Variants in CASR observed in about 807,000 individuals in gnomAD.
CASR encodes extracellular calcium-sensing receptor.
CASR carries 23 observed loss-of-function variants against 69.1 expected under a neutral mutation model. The observed-to-expected ratio is 0.33, with a 90% CI of 0.24 to 0.47. The LOEUF (loss-of-function observed/expected upper bound fraction) is 0.47. Ranked by LOEUF, CASR falls within the 20% of genes least tolerant of loss-of-function variation. CASR has a pLI of 1.00. For synonymous variants in CASR, 541 were observed against 544.7 expected, an observed-to-expected ratio of 0.99 and a Z score of 0.10; for missense variants, 924 against 1,356.1, an observed-to-expected ratio of 0.68 and a Z score of 5.00.
intron 1 of CASR, among the ~76,000 whole-genome samples, chr3:122,191,370 G>T (rs770069491): frequency 1.3e-5 from 2 of 152,038 alleles, no homozygotes; most frequent in African/African-American, 4.8e-5. Flanking sequence ...GGAGTGCAAC[G>T]GTGCGATCTT....
chr3:122,209,281 C>T (rs907375616), intron 1 of CASR, among the ~76,000 whole-genome samples: 1 of 152,176 alleles, frequency 6.6e-6, no homozygotes, highest in Non-Finnish European at 1.5e-5. Context: ...GGATTTACAG[C>T]TGAATTCTAC....
chr3:122,260,328 T>A (rs1013095925), intron 3 of CASR, among the ~76,000 whole-genome samples: 2 of 152,232 alleles, frequency 1.3e-5, no homozygotes, highest in African/African-American at 4.8e-5. Flanking sequence ...CAACGATCTC[T>A]TAACATCAAG....
chr3:122,224,869 G>C (rs2074207777), intron 1 of CASR, among the ~76,000 whole-genome samples: 1 of 152,128 alleles, frequency 6.6e-6, no homozygotes. Context: ...ACAGGATAGA[G>C]AACCTAGACG....
intron 1 of CASR, among the ~76,000 whole-genome samples, chr3:122,240,625 C>G (rs1405403692): frequency 6.6e-6 from 1 of 152,168 alleles, no homozygotes; most frequent in African/African-American, 2.4e-5. Context: ...GACTGATCTT[C>G]CAGACAGAAA....
chr3:122,216,695 G>T (rs1182624131), intron 1 of CASR, among the ~76,000 whole-genome samples: 1 of 152,164 alleles, frequency 6.6e-6, no homozygotes, highest in Non-Finnish European at 1.5e-5. Context: ...ACATAAAAGT[G>T]CTCATTAAAT....
At chr3:122,218,006 A>T (rs927140730) in intron 1 of CASR, among the ~76,000 whole-genome samples, 1 of 152,002 alleles carries the variant, frequency 6.6e-6, no homozygotes, top group African/African-American at 2.4e-5. Context: ...CTCATTGCAG[A>T]CCCTGTTAAG....
chr3:122,228,333 T>C, intron 1 of CASR, among the ~76,000 whole-genome samples: 1 of 152,254 alleles, frequency 6.6e-6, no homozygotes, highest in East Asian at 1.9e-4. Context: ...ATTTAAATTA[T>C]CAGCATATAA....
intron 4 of CASR, among the ~76,000 whole-genome samples, chr3:122,264,012 T>C (rs780340955): frequency 1.6e-4 from 24 of 151,936 alleles, no homozygotes; most frequent in Non-Finnish European, 2.2e-4. Flanking sequence ...AAAAACAGGC[T>C]TCAAGGGGGA....
chr3:122,232,778 G>A (rs2074291997), intron 1 of CASR, among the ~76,000 whole-genome samples: 1 of 152,124 alleles, frequency 6.6e-6, no homozygotes, highest in Non-Finnish European at 1.5e-5. Flanking sequence ...GTGATATTGT[G>A]ACTTCAAAGA....
At chr3:122,267,256 G>A (rs1389169591) in intron 4 of CASR, among the ~76,000 whole-genome samples, 2 of 152,304 alleles carry the variant, frequency 1.3e-5, no homozygotes, top group East Asian at 3.9e-4. Flanking sequence ...TATTAAAGAT[G>A]TTTAAAGAGG....
intron 2 of CASR, among the ~76,000 whole-genome samples, chr3:122,254,906 A>G (rs2074538813): frequency 6.6e-6 from 1 of 151,996 alleles, no homozygotes; most frequent in Admixed American, 6.6e-5. Flanking sequence ...TTTTGGAACT[A>G]CTGCCATCAA....
intron 1 of CASR, among the ~76,000 whole-genome samples, chr3:122,240,789 A>G (rs938027318): frequency 2.0e-5 from 3 of 152,222 alleles, no homozygotes; most frequent in African/African-American, 7.2e-5. Flanking sequence ...GGGTCACAAA[A>G]CAAGTCTTAA....
chr3:122,237,110 T>C (rs1227928383), intron 1 of CASR, among the ~76,000 whole-genome samples: 4 of 113,616 alleles, frequency 3.5e-5, no homozygotes, highest in South Asian at 6.3e-4. Context: ...ACAGTACTTA[T>C]GCTTTTTTTT....
intron 1 of CASR, among the ~76,000 whole-genome samples, chr3:122,190,583 T>C (rs1056756092): frequency 6.6e-6 from 1 of 152,232 alleles, no homozygotes; most frequent in Non-Finnish European, 1.5e-5. Flanking sequence ...AAAAGACTTA[T>C]ATGAGCTAAT....
At chr3:122,223,298 C>A (rs908732319) in intron 1 of CASR, among the ~76,000 whole-genome samples, 1 of 151,968 alleles carries the variant, frequency 6.6e-6, no homozygotes, top group African/African-American at 2.4e-5. Flanking sequence ...GATGGATAGG[C>A]CACTAGCTAG....
intron 1 of CASR, among the ~76,000 whole-genome samples, chr3:122,202,815 A>T (rs577518551): frequency 1.8e-4 from 27 of 152,310 alleles, no homozygotes; most frequent in South Asian, 8.3e-4. Context: ...TCTTCAAGGC[A>T]TTTGCAATTG....
chr3:122,245,309 T>G (rs2074417030), intron 1 of CASR: 1 of 152,220 alleles, frequency 6.6e-6, no homozygotes, highest in Admixed American at 6.5e-5. Context: ...TGAAGTTGAC[T>G]GAATCCATGG....
At position 122,261,648 on chromosome 3, in the gene CASR, C is replaced by T. The variant is rs775751453; in HGVS notation, c.613C>T (p.Arg205Cys). 9.3e-6 allele frequency: 15 copies of T among 1,614,072 alleles called. No homozygotes were observed. In the East Asian group the frequency reaches 2.0e-4, roughly 22 times the overall value. The change falls in exon 4 of 7, where the codon CGC becomes TGC. Residue 205 changes from arginine (R) to cysteine (C), a missense_variant. This residue lies in a region of CASR where 141 missense variants were observed against 283.0 expected (regional missense o/e 0.50). Coordinates refer to ENST00000639785, the MANE Select transcript of CASR (RefSeq NM_000388.4). ...TAMADIIEYF[R>C]WNWVGTIAAD... Reference sequence around the variant, plus strand: ...CATGGCAGACATCATCGAGTATTTCCGCTGGAACTGGGTGGGCACAATTGC... The same window carrying T: ...CATGGCAGACATCATCGAGTATTTCTGCTGGAACTGGGTGGGCACAATTGC...
chr3:122,198,144 G>C (rs1429350406), intron 1 of CASR, among the ~76,000 whole-genome samples: 1 of 152,148 alleles, frequency 6.6e-6, no homozygotes, highest in African/African-American at 2.4e-5. Context: ...AAAAAGTTTA[G>C]ATGAAAAGCA....
Sources: gnomAD v4.1 joint callset for allele counts (sites outside exome capture counted in the v4.1 genomes callset) on GRCh38, gnomAD v4.1.1 for gene constraint, gnomAD v4.1.1 regional missense constraint, MANE v1.5 for transcripts, NCBI Gene and HGNC (gene_info 2026-07-23, HGNC 2026-07-21) for gene names.